The following TIFAB variants were observed in gnomAD, a reference collection of about 807,000 sequenced individuals.
TIFAB encodes the protein TIFA inhibitor, also known as TRAF-interacting protein with FHA domain-containing protein B.
For missense variants in TIFAB, 222 were observed against 203.6 expected (o/e 1.09, Z -0.55); for synonymous variants, 116 against 95.2 (o/e 1.22, Z -1.27).
chr5:135,445,904 G>T lies in TIFAB; in HGVS notation c.*3550C>A, dbSNP rs1386534116. The T allele has an allele frequency of 6.5e-6, 1 of 153,888 alleles. No individual in the cohort carries two copies. Among genetic ancestry groups the T allele is most frequent in the African/African-American group, 2.4e-5 (1 of 41,470 alleles). 9.5% of individuals were successfully genotyped at this position (153,888 alleles called of 1,614,324 possible). A position where few individuals can be genotyped will look rare whatever the true frequency, so the allele number is the denominator to read the frequency against. Reference sequence around the variant, plus strand: ...TGCGAGGGTTAAAATACCTTAAAGGGCAAGGAGATGATTTCTAGATTTCCA... The same window carrying T: ...TGCGAGGGTTAAAATACCTTAAAGGTCAAGGAGATGATTTCTAGATTTCCA... On this transcript the variant is annotated 3_prime_UTR_variant, in exon 2 of 2. Coordinates refer to ENST00000537858, the MANE Select transcript of TIFAB (RefSeq NM_001099221.2).
rs1769299036 is a variant in TIFAB, at chr5:135,447,886, A to AGTTCCGTG, written c.*1560_*1567dup. The AGTTCCGTG allele has an allele frequency of 6.6e-6, 1 of 152,244 alleles. No individual in the cohort carries two copies. 9.4% of individuals were successfully genotyped at this position (152,244 alleles called of 1,614,324 possible). A position where few individuals can be genotyped will look rare whatever the true frequency, so the allele number is the denominator to read the frequency against. On this transcript the variant is annotated 3_prime_UTR_variant, in exon 2 of 2. Coordinates refer to ENST00000537858, the MANE Select transcript of TIFAB (RefSeq NM_001099221.2). ...AGTTTGCCTTATTCACTTCTGGTTC[A>AGTTCCGTG]GTTCCGTGGCTTTGCACAGATCTGG...
rs2150032475 is a variant in TIFAB at position 135,447,157 on chromosome 5, A to G, written c.*2297T>C. ...TGACAGATCACTGCTGCTTTTCATC[A>G]GACCAAAATACATGTGGCTTCTTCT... On this transcript the variant is annotated 3_prime_UTR_variant, in exon 2 of 2. Transcript: ENST00000537858. 6.2e-7 allele frequency: 1 copy of G among 1,612,206 alleles called. No homozygotes were observed. The highest frequency in any genetic ancestry group is 8.5e-7 in the Non-Finnish European group (1 of 1,178,810).
rs1481041707 is a variant in TIFAB at position 135,446,330 on chromosome 5, G to A, written c.*3124C>T. On this transcript the variant is annotated 3_prime_UTR_variant, in exon 2 of 2. Coordinates refer to ENST00000537858, the MANE Select transcript of TIFAB (RefSeq NM_001099221.2). ...CATGTGCACTGTATGTTCGTGTTTA[G>A]TGTATGTCTGTGCATACTTGCGTGT... The A allele has an allele frequency of 1.3e-6, 2 of 1,551,092 alleles. No individual in the cohort carries two copies. Among genetic ancestry groups the A allele is most frequent in the Admixed American group, 3.7e-5 (2 of 54,238 alleles).
intron 1 of TIFAB, among the ~76,000 whole-genome samples, chr5:135,450,907 G>T (rs576513901): frequency 1.3e-5 from 2 of 152,186 alleles, no homozygotes; most frequent in South Asian, 2.1e-4. Context: ...GTGACCTTTC[G>T]CTGCCTTCTG....
chr5:135,451,945 A>T (rs6889333), intron 1 of TIFAB, among the ~76,000 whole-genome samples: 90,183 of 152,176 alleles, frequency 0.59, 29,530 homozygotes, highest in African/African-American at 0.89. Flanking sequence ...AAAGATTCAC[A>T]GTTGCTGTGT....
rs1769254515 is a variant in TIFAB at position 135,446,131 on chromosome 5, T to C, written c.*3323A>G. ...TGATGCCTCAAACTGACCTTCACAA[T>C]GACTCTAAGGAGGTAAGTACTGTGA... On this transcript the variant is annotated 3_prime_UTR_variant, in exon 2 of 2. Transcript: ENST00000537858. 7.6e-6 allele frequency: 3 copies of C among 397,294 alleles called. No individual in the cohort carries two copies. Among genetic ancestry groups the C allele is most frequent in the Admixed American group, 4.2e-5 (1 of 23,586 alleles). The allele number at this position is 397,294 out of a possible 1,614,324, so 24.6% of individuals were successfully genotyped here. A position where few individuals can be genotyped will look rare whatever the true frequency, so the allele number is the denominator to read the frequency against.
At chr5:135,450,033 C>T in intron 1 of TIFAB, 84 bp from the exon 2 acceptor site, 1 of 1,472,314 alleles carries the variant, frequency 6.8e-7, no homozygotes, top group Non-Finnish European at 9.1e-7. Context: ...ACTTGCCCAC[C>T]TCAGGGGCCC....
Position 135,446,419 on chromosome 5 carries a change from CA to C in TIFAB, c.*3034del. The C allele has an allele frequency of 6.2e-7, 1 of 1,611,840 alleles. No homozygotes were observed. The highest frequency in any genetic ancestry group is 8.5e-7 in the Non-Finnish European group (1 of 1,178,254). ...CCCTGCGGTGGGAGCTGAGAGAATG[CA>C]GTGGAGGTTGTTGGGAGGAACTCAC... On this transcript the variant is annotated 3_prime_UTR_variant, in exon 2 of 2. Coordinates refer to ENST00000537858, the MANE Select transcript of TIFAB (RefSeq NM_001099221.2).
intron 1 of TIFAB, among the ~76,000 whole-genome samples, chr5:135,451,427 A>G (rs912401579): frequency 2.0e-5 from 3 of 151,280 alleles, no homozygotes; most frequent in African/African-American, 4.9e-5. Context: ...ACAGACACAC[A>G]TATGCCTCTA....
chr5:135,444,935 T>A lies in TIFAB; in HGVS notation c.*4519A>T, dbSNP rs1769228174. ...TCAGTCCTTTCCTGTGTGGATGGAG[T>A]GTTGGCACAGTGAGGCGGGTGTTGC... is the stretch of plus-strand genomic sequence containing the variant. On this transcript the variant is annotated 3_prime_UTR_variant, in exon 2 of 2. Transcript: ENST00000537858. 1 of 152,184 alleles carries A rather than the reference T, an allele frequency of 6.6e-6. No homozygotes were observed. Among genetic ancestry groups the A allele is most frequent in the Non-Finnish European group, 1.5e-5 (1 of 68,218 alleles). 9.4% of individuals were successfully genotyped at this position (152,184 alleles called of 1,614,324 possible). A position where few individuals can be genotyped will look rare whatever the true frequency, so the allele number is the denominator to read the frequency against.
chr5:135,449,224 T>C lies in TIFAB; in HGVS notation c.*230A>G, dbSNP rs1034647920. The C allele has an allele frequency of 4.3e-5, 28 of 648,924 alleles. No homozygotes were observed. In the African/African-American group the frequency reaches 4.9e-4, roughly 11 times the overall value. 40.2% of individuals were successfully genotyped at this position (648,924 alleles called of 1,614,324 possible). A position where few individuals can be genotyped will look rare whatever the true frequency, so the allele number is the denominator to read the frequency against. ...CGGTGTTTGCAGAATTGGTTCATTA[T>C]GAGCAAGGCAGCCAGTGGGTTTTGC... is the stretch of plus-strand genomic sequence containing the variant. On this transcript the variant is annotated 3_prime_UTR_variant, in exon 2 of 2. Coordinates refer to ENST00000537858, the MANE Select transcript of TIFAB (RefSeq NM_001099221.2).
Position 135,446,767 on chromosome 5 carries a change from A to G in TIFAB, c.*2687T>C, listed in dbSNP as rs148251349. On this transcript the variant is annotated 3_prime_UTR_variant, in exon 2 of 2. Coordinates refer to ENST00000537858, the MANE Select transcript of TIFAB (RefSeq NM_001099221.2). ...TCTGGCCTGTCTTCCTTCTGCTGCT[A>G]TGCAGTTCATCCTGGGTCCCTGAGG... 894 of 1,613,946 alleles carry G rather than the reference A, an allele frequency of 5.5e-4. 4 individuals are homozygous for G. The African/African-American group carries it at 0.01, about 19-fold the overall frequency.
In TIFAB at chr5:135,445,506, G is replaced by A. The variant is rs1428735408; in HGVS notation, c.*3948C>T. Reference sequence around the variant, plus strand: ...TCGCACTGCCCATGCCGGGCCTGAGGGGCCTGGCTCAGACTTTAGTATCCA... The same window carrying A: ...TCGCACTGCCCATGCCGGGCCTGAGAGGCCTGGCTCAGACTTTAGTATCCA... On this transcript the variant is annotated 3_prime_UTR_variant, in exon 2 of 2. Coordinates refer to ENST00000537858, the MANE Select transcript of TIFAB (RefSeq NM_001099221.2). The A allele has an allele frequency of 6.6e-6, 1 of 152,400 alleles. No homozygotes were observed. Among genetic ancestry groups the A allele is most frequent in the Non-Finnish European group, 1.5e-5 (1 of 68,212 alleles). The allele number at this position is 152,400 out of a possible 1,614,324, so 9.4% of individuals were successfully genotyped here. A position where few individuals can be genotyped will look rare whatever the true frequency, so the allele number is the denominator to read the frequency against.
Position 135,449,222 on chromosome 5 carries a change from T to A in TIFAB, c.*232A>T, listed in dbSNP as rs982354942. On this transcript the variant is annotated 3_prime_UTR_variant, in exon 2 of 2. Coordinates refer to ENST00000537858, the MANE Select transcript of TIFAB (RefSeq NM_001099221.2). ...TTCGGTGTTTGCAGAATTGGTTCAT[T>A]ATGAGCAAGGCAGCCAGTGGGTTTT... 4 of 641,526 alleles carry A rather than the reference T, an allele frequency of 6.2e-6. No homozygotes were observed. Among genetic ancestry groups the A allele is most frequent in the Non-Finnish European group, 1.0e-5 (4 of 384,950 alleles). The allele number at this position is 641,526 out of a possible 1,614,324, so 39.7% of individuals were successfully genotyped here.
rs1035128051 is a variant in TIFAB at position 135,447,385 on chromosome 5, C to T, written c.*2069G>A. 36 of 504,576 alleles carry T rather than the reference C, an allele frequency of 7.1e-5. No homozygotes were observed. Among genetic ancestry groups the T allele is most frequent in the Middle Eastern group, 5.4e-4 (1 of 1,864 alleles). The allele number at this position is 504,576 out of a possible 1,614,324, so 31.3% of individuals were successfully genotyped here. ...CTGGGGTGTGAGTCTTCCTTAGCTC[C>T]GTGTGGATGGTGAGCCCTCCTCTCT... On this transcript the variant is annotated 3_prime_UTR_variant, in exon 2 of 2. Coordinates refer to ENST00000537858, the MANE Select transcript of TIFAB (RefSeq NM_001099221.2).
chr5:135,451,812 C>T (rs983133632), intron 1 of TIFAB, among the ~76,000 whole-genome samples: 13 of 152,348 alleles, frequency 8.5e-5, no homozygotes, highest in African/African-American at 3.1e-4. Context: ...GTATGCGTTA[C>T]AGGCTGAGCC....
In TIFAB at chr5:135,446,953, C is replaced by A; in HGVS notation, c.*2501G>T. On this transcript the variant is annotated 3_prime_UTR_variant, in exon 2 of 2. Coordinates refer to ENST00000537858, the MANE Select transcript of TIFAB (RefSeq NM_001099221.2). Reference sequence around the variant, plus strand: ...GGAGAGGGGCACTCAGGGGCAGCAGCTCATTCCCAAAGTTCTCTGGTGGAG... The same window carrying A: ...GGAGAGGGGCACTCAGGGGCAGCAGATCATTCCCAAAGTTCTCTGGTGGAG... The A allele has an allele frequency of 6.2e-7, 1 of 1,612,848 alleles. No individual in the cohort carries two copies. The highest frequency in any genetic ancestry group is 8.5e-7 in the Non-Finnish European group (1 of 1,179,344).
Position 135,449,450 on chromosome 5 carries a change from T to A in TIFAB, c.*4A>T, listed in dbSNP as rs1174458380. The A allele has an allele frequency of 6.2e-7, 1 of 1,611,950 alleles. No individual in the cohort carries two copies. Among genetic ancestry groups the A allele is most frequent in the Non-Finnish European group, 8.5e-7 (1 of 1,178,798 alleles). ...GTGGAGAAACCCCAGGCAACCTGGA[T>A]CTGCTACCCTGAACCAGGGGGAGGC... On this transcript the variant is annotated 3_prime_UTR_variant, in exon 2 of 2. Transcript: ENST00000537858.
rs536440334 is a variant in TIFAB at position 135,446,916 on chromosome 5, C to T, written c.*2538G>A. Reference sequence around the variant, plus strand: ...TTCCTCCCTGGAGGGTAGAGACCCTCACTGAGGCCCTGGAGAGGGGCACTC... The same window carrying T: ...TTCCTCCCTGGAGGGTAGAGACCCTTACTGAGGCCCTGGAGAGGGGCACTC... On this transcript the variant is annotated 3_prime_UTR_variant, in exon 2 of 2. Transcript: ENST00000537858. 9 of 1,613,094 alleles carry T rather than the reference C, an allele frequency of 5.6e-6. No homozygotes were observed. The Middle Eastern group carries it at 5.0e-4, about 89-fold the overall frequency.
Sources: gnomAD v4.1 joint callset for allele counts (sites outside exome capture counted in the v4.1 genomes callset) on GRCh38, gnomAD v4.1.1 for gene constraint, MANE v1.5 for transcripts, NCBI Gene and HGNC (gene_info 2026-07-23, HGNC 2026-07-21) for gene names.